The following ADAMTS16 variants were observed in gnomAD, a reference collection of about 807,000 sequenced individuals.
ADAMTS16 encodes the protein A disintegrin and metalloproteinase with thrombospondin motifs 16.
A neutral mutation model predicts 145.8 loss-of-function variants in ADAMTS16; 94 were observed. The observed-to-expected ratio is 0.64, with a 90% confidence interval of 0.55 to 0.77. The LOEUF is 0.77. ADAMTS16 is among the 30% of genes least tolerant of loss of function. The pLI is 0.00. For synonymous variants in ADAMTS16, 659 were observed against 604.3 expected, an observed-to-expected ratio of 1.09 and a Z score of -1.33; for missense variants, 1,585 against 1,591.5, an observed-to-expected ratio of 1.00 and a Z score of 0.07.
intron 18 of ADAMTS16, among the ~76,000 whole-genome samples, chr5:5,275,582 C>G (rs1398259119): frequency 6.6e-6 from 1 of 152,092 alleles, no homozygotes; most frequent in Non-Finnish European, 1.5e-5. Flanking sequence ...TTACAATTGA[C>G]TTTAAAATTC....
At chr5:5,290,929 C>G (rs1321792169) in intron 18 of ADAMTS16, among the ~76,000 whole-genome samples, 3 of 152,166 alleles carry the variant, frequency 2.0e-5, no homozygotes, top group African/African-American at 4.8e-5. Flanking sequence ...TCGGGCGTCA[C>G]TGAGATGGCG....
At chr5:5,207,197 T>C (rs1161650335) in intron 9 of ADAMTS16, among the ~76,000 whole-genome samples, 6 of 152,204 alleles carry the variant, frequency 3.9e-5, no homozygotes, top group Admixed American at 3.3e-4. Context: ...AATATCTCTC[T>C]ATTTAGTTTT....
intron 9 of ADAMTS16, among the ~76,000 whole-genome samples, chr5:5,206,383 G>A (rs1246172170): frequency 8.5e-5 from 8 of 93,838 alleles, no homozygotes; most frequent in African/African-American, 2.6e-4. Flanking sequence ...CCGAGATCCC[G>A]CCACTGCACT....
At chr5:5,262,390 C>T (rs976910396) in intron 17 of ADAMTS16, among the ~76,000 whole-genome samples, 3 of 152,120 alleles carry the variant, frequency 2.0e-5, no homozygotes, top group Non-Finnish European at 2.9e-5. Flanking sequence ...TGACATCAAT[C>T]GCAAAACAAA....
intron 11 of ADAMTS16, among the ~76,000 whole-genome samples, chr5:5,231,961 T>C (rs1229413131): frequency 6.6e-6 from 1 of 152,168 alleles, no homozygotes; most frequent in East Asian, 1.9e-4. Flanking sequence ...CCAGCTGTGC[T>C]TTCCTACCTG....
intron 8 of ADAMTS16, among the ~76,000 whole-genome samples, chr5:5,197,903 C>G (rs1735850681): frequency 6.6e-6 from 1 of 152,104 alleles, no homozygotes; most frequent in Non-Finnish European, 1.5e-5. Context: ...ACCCAAATGC[C>G]AGCTCCTAAC....
chr5:5,290,593 T>A (rs1360272348), intron 18 of ADAMTS16, among the ~76,000 whole-genome samples: 2 of 152,200 alleles, frequency 1.3e-5, no homozygotes, highest in Middle Eastern at 3.4e-3. Context: ...GAGGTTGCAG[T>A]GAGCTGAGAC....
intron 3 of ADAMTS16, among the ~76,000 whole-genome samples, chr5:5,180,570 C>G (rs532103598): frequency 2.0e-5 from 3 of 152,110 alleles, no homozygotes; most frequent in Non-Finnish European, 2.9e-5. Flanking sequence ...GGTTATTGTT[C>G]CAACATCAAC....
intron 17 of ADAMTS16, among the ~76,000 whole-genome samples, chr5:5,243,831 G>A (rs1187572387): frequency 1.3e-5 from 2 of 152,156 alleles, no homozygotes; most frequent in East Asian, 3.9e-4. Flanking sequence ...GCTGCTAACA[G>A]GCTAGTTGTT....
chr5:5,188,937 G>T (rs1735583307), intron 6 of ADAMTS16, among the ~76,000 whole-genome samples: 1 of 152,134 alleles, frequency 6.6e-6, no homozygotes, highest in Non-Finnish European at 1.5e-5. Flanking sequence ...GAATAAGCGA[G>T]GTTATCGTTT....
chr5:5,170,300 A>G (rs1315344820), intron 3 of ADAMTS16, among the ~76,000 whole-genome samples: 1 of 152,022 alleles, frequency 6.6e-6, no homozygotes, highest in Admixed American at 6.6e-5. Context: ...ATTTTCGTAT[A>G]CCTGTTTGCC....
At chr5:5,257,808 C>T (rs187693414) in intron 17 of ADAMTS16, among the ~76,000 whole-genome samples, 4 of 152,270 alleles carry the variant, frequency 2.6e-5, no homozygotes, top group African/African-American at 9.6e-5. Flanking sequence ...AGCTCAATTC[C>T]CCAAGACTTT....
At chr5:5,245,869 C>T (rs1056591630) in intron 17 of ADAMTS16, among the ~76,000 whole-genome samples, 9 of 152,256 alleles carry the variant, frequency 5.9e-5, no homozygotes, top group Admixed American at 2.0e-4. Flanking sequence ...TCTCCTCTCA[C>T]TTTTATGACA....
intron 11 of ADAMTS16, chr5:5,223,297 T>A (rs1362141354): frequency 6.1e-6 from 1 of 164,778 alleles, no homozygotes; most frequent in Non-Finnish European, 1.3e-5. Flanking sequence ...GAGAGAGAGC[T>A]ATGGTAGAGA....
rs796277454 is a variant in ADAMTS16 at position 5,301,626 on chromosome 5, G to T, written c.2790-1642G>T. On this transcript the variant is annotated intron_variant, in intron 18 of 22. Coordinates refer to ENST00000274181, the MANE Select transcript of ADAMTS16 (RefSeq NM_139056.4). ...GGCTGCTGCCAGAGGCACCTCCGGAGTTCCTGGCCAAGCTCTCTGGGCTTC... is the reference window on the plus strand; with the variant it reads ...GGCTGCTGCCAGAGGCACCTCCGGATTTCCTGGCCAAGCTCTCTGGGCTTC... Among the ~76,000 whole-genome samples, 11 of 152,342 alleles carry T rather than the reference G, an allele frequency of 7.2e-5. No homozygotes were observed. The South Asian group carries it at 2.3e-3, about 32-fold the overall frequency.
At chr5:5,155,616 G>T (rs1475460413) in intron 3 of ADAMTS16, among the ~76,000 whole-genome samples, 2 of 152,190 alleles carry the variant, frequency 1.3e-5, no homozygotes, top group Non-Finnish European at 2.9e-5. Context: ...GTAGGAGCTA[G>T]CTGGTGCTAG....
chr5:5,213,103 A>G (rs1736322680), intron 10 of ADAMTS16, among the ~76,000 whole-genome samples: 1 of 152,232 alleles, frequency 6.6e-6, no homozygotes, highest in Non-Finnish European at 1.5e-5. Context: ...ATTGACATAT[A>G]TTTCATTTCT....
intron 3 of ADAMTS16, among the ~76,000 whole-genome samples, chr5:5,164,831 C>T (rs1734827147): frequency 1.3e-5 from 2 of 152,276 alleles, no homozygotes; most frequent in African/African-American, 2.4e-5. Flanking sequence ...CGCCCGCCAC[C>T]ACGCCCGGCT....
chr5:5,303,162 C>T (rs936831110), intron 18 of ADAMTS16, 106 bp from the exon 19 acceptor site: 19 of 1,226,866 alleles, frequency 1.5e-5, no homozygotes, highest in Middle Eastern at 2.9e-4. Context: ...GGCACACACA[C>T]GACCGTGGCT....
Sources: allele counts gnomAD v4.1 joint callset (sites outside exome capture counted in the v4.1 genomes callset), GRCh38; gene constraint gnomAD v4.1.1; transcripts MANE v1.5; gene names NCBI Gene and HGNC (gene_info 2026-07-23, HGNC 2026-07-21).